SRSF7: variants seen among roughly 807,000 people sequenced by gnomAD.
SRSF7 encodes serine/arginine-rich splicing factor 7.
SRSF7 carries 15 observed loss-of-function variants against 42.2 expected under a neutral mutation model. The observed-to-expected ratio is 0.36, with a 90% confidence interval of 0.24 to 0.55. The LOEUF (loss-of-function observed/expected upper bound fraction) is 0.55, where lower values mean the gene tolerates loss of function less well. Ranked by LOEUF, SRSF7 falls within the 20% of genes least tolerant of loss-of-function variation. The pLI is 0.88. For missense variants in SRSF7, 181 were observed against 305.9 expected, an observed-to-expected ratio of 0.59 and a Z score of 3.04; for synonymous variants, 138 against 107.9, an observed-to-expected ratio of 1.28 and a Z score of -1.73.
At chr2:38,748,887 T>C in intron 3 of SRSF7, 1 of 1,395,230 alleles carries the variant, frequency 7.2e-7, no homozygotes, top group South Asian at 1.5e-5. Context: ...TAATGTGTAT[T>C]TAAAATAAAC....
At chr2:38,749,309 A>C in intron 3 of SRSF7, 1 of 1,500,540 alleles carries the variant, frequency 6.7e-7, no homozygotes, top group Non-Finnish European at 9.0e-7. Context: ...AAGGCTCGTG[A>C]CATTCTGAAT....
chr2:38,746,597 G>A (rs1667452518), intron 6 of SRSF7, 97 bp downstream of exon 6: 4 of 1,561,198 alleles, frequency 2.6e-6, no homozygotes, highest in South Asian at 1.2e-5. Flanking sequence ...CCTAAGTTTA[G>A]AGTTAACACT....
intron 1 of SRSF7, chr2:38,750,976 T>C: frequency 2.4e-6 from 1 of 422,122 alleles, no homozygotes; most frequent in Non-Finnish European, 4.4e-6. Context: ...GCGAAAACCG[T>C]CATCTCAACC....
chr2:38,749,940 C>A (rs1279353632), intron 2 of SRSF7, 74 bp downstream of exon 2: 2 of 1,486,144 alleles, frequency 1.3e-6, no homozygotes, highest in Non-Finnish European at 9.0e-7. Flanking sequence ...CTTCAGAATC[C>A]AAATTTAGCA....
chr2:38,748,718 C>A, intron 3 of SRSF7, 65 bp from the exon 4 acceptor site: 2 of 1,491,774 alleles, frequency 1.3e-6, no homozygotes, highest in African/African-American at 1.4e-5. Flanking sequence ...AGTTTGTGTG[C>A]CTCTGCTGAA....
At chr2:38,749,410 T>A in intron 3 of SRSF7, 119 bp downstream of exon 3, 24 of 1,571,214 alleles carry the variant, frequency 1.5e-5, no homozygotes, top group Non-Finnish European at 2.1e-5. Context: ...ACAAAAATTG[T>A]AAAATACACC....
chr2:38,748,800 A>AT lies in SRSF7; in HGVS notation c.387-148dup. 8.3e-3 allele frequency: 8,203 copies of AT among 986,106 alleles called. 2 individuals carry two copies. The highest frequency in any genetic ancestry group is 0.011 in the South Asian group (560 of 49,470). The allele number at this position is 986,106 out of a possible 1,614,324, so 61.1% of individuals were successfully genotyped here. A position where few individuals can be genotyped will look rare whatever the true frequency, so the allele number is the denominator to read the frequency against. ...ACTCTGGGCCTATTAGTTGTTGAGT[A>AT]TTTTTTTTTTTACTACCTAAAAAAA... On this transcript the variant is annotated intron_variant, in intron 3 of 7. Transcript: ENST00000313117.
intron 7 of SRSF7, among the ~76,000 whole-genome samples, chr2:38,745,766 T>C (rs1217308931): frequency 2.0e-5 from 3 of 152,104 alleles, no homozygotes; most frequent in African/African-American, 7.2e-5. Flanking sequence ...ACTAGATAAA[T>C]ATGACAACTA....
In SRSF7 at chr2:38,746,127, C is replaced by G; in HGVS notation, c.662+17G>C. 1 of 1,614,040 alleles carries G rather than the reference C, an allele frequency of 6.2e-7. No individual in the cohort carries two copies. The highest frequency in any genetic ancestry group is 8.5e-7 in the Non-Finnish European group (1 of 1,179,958). On this transcript the variant is annotated intron_variant, in intron 7 of 7. Transcript: ENST00000313117. ...ACACTTGACAGGCAAGATTTGGCAA[C>G]AAAACATTTAGCTTACCTTCTTTTT...
At chr2:38,746,985 C>T (rs1667520451) in intron 5 of SRSF7, 1 of 688,336 alleles carries the variant, frequency 1.5e-6, no homozygotes, top group Admixed American at 2.2e-5. Context: ...GTATAACATT[C>T]TCAAACACTG....
At chr2:38,745,305 A>C in intron 7 of SRSF7, 118 bp from the exon 8 acceptor site, 2 of 1,009,038 alleles carry the variant, frequency 2.0e-6, no homozygotes, top group South Asian at 1.4e-5. Flanking sequence ...TATAGCAAAG[A>C]CCTAAAAATG....
chr2:38,749,386 ATTT>A, intron 3 of SRSF7, 140 bp downstream of exon 3: 1 of 1,542,684 alleles, frequency 6.5e-7, no homozygotes. Flanking sequence ...ATATAGTAAC[ATTT>A]TTTTAATTAA....
chr2:38,744,473 C>T lies in SRSF7; in HGVS notation c.*660G>A. ...ATGCCACCTAGTAGCCTGAAAGCTG[C>T]AATTAGTATAAAGATCATCCAGAAA... is the stretch of plus-strand genomic sequence containing the variant. On this transcript the variant is annotated 3_prime_UTR_variant, in exon 8 of 8. Coordinates refer to ENST00000313117, the MANE Select transcript of SRSF7 (RefSeq NM_001031684.3). 1 of 139,232 alleles carries T rather than the reference C, an allele frequency of 7.2e-6. No individual in the cohort carries two copies. The highest frequency in any genetic ancestry group is 2.8e-5 in the African/African-American group (1 of 36,262). The allele number at this position is 139,232 out of a possible 1,614,324, so 8.6% of individuals were successfully genotyped here.
At chr2:38,748,941 AGATCTAGAC>A in intron 3 of SRSF7, 1 of 1,326,368 alleles carries the variant, frequency 7.5e-7, no homozygotes. Flanking sequence ...ATGGTCTAGT[AGATCTAGAC>A]GATCTAGAAG....
intron 5 of SRSF7, 142 bp downstream of exon 5, chr2:38,747,905 A>G: frequency 3.5e-6 from 2 of 568,308 alleles, no homozygotes; most frequent in South Asian, 5.3e-5. Context: ...GTTAATATTT[A>G]TGTTACAAGT....
At chr2:38,747,359 T>A (rs1353804642) in intron 5 of SRSF7, among the ~76,000 whole-genome samples, 2 of 152,234 alleles carry the variant, frequency 1.3e-5, no homozygotes, top group African/African-American at 4.8e-5. Context: ...GATTCAGAAT[T>A]CCTGCATTTA....
At chr2:38,749,003 A>G in intron 3 of SRSF7, 1 of 1,287,894 alleles carries the variant, frequency 7.8e-7, no homozygotes, top group Non-Finnish European at 1.0e-6. Context: ...TCTTCAATCT[A>G]ACGACGATCA....
At chr2:38,747,819 T>C (rs142489176) in intron 5 of SRSF7, among the ~76,000 whole-genome samples, 122 of 152,352 alleles carry the variant, frequency 8.0e-4, no homozygotes, top group African/African-American at 2.6e-3. Flanking sequence ...ACTGTATTGC[T>C]TGGGACCCTT....
Position 38,748,671 on chromosome 2 carries a change from G to C in SRSF7, c.387-18C>G. 5 of 1,612,366 alleles carry C rather than the reference G, an allele frequency of 3.1e-6. No homozygotes were observed. Among genetic ancestry groups the C allele is most frequent in the Non-Finnish European group, 4.2e-6 (5 of 1,178,716 alleles). On this transcript the variant is annotated intron_variant, in intron 3 of 7. Transcript: ENST00000313117. ...ACCGTGACCTATTTTTCAAGTTAGA[G>C]AAAAAACAAAATGTCAGACAATAAC...
Sources: allele counts gnomAD v4.1 joint callset (sites outside exome capture counted in the v4.1 genomes callset), GRCh38; gene constraint gnomAD v4.1.1; transcripts MANE v1.5; gene names NCBI Gene and HGNC (gene_info 2026-07-23, HGNC 2026-07-21).